DTNA: variants seen among roughly 807,000 people sequenced by gnomAD.
DTNA encodes the protein dystrophin-related protein 3.
A neutral mutation model predicts 100.7 loss-of-function variants in DTNA; 43 were observed. The ratio of observed to expected loss-of-function variants is 0.43; its 90% CI spans 0.33 to 0.55. The LOEUF is 0.55. Among genes scored for constraint, DTNA ranks in the 20% least tolerant of loss-of-function variants. The pLI is 0.04. For synonymous variants in DTNA, 349 were observed against 347.9 expected (o/e 1.00, Z -0.04); for missense variants, 798 against 953.9 (o/e 0.84, Z 2.15).
At chr18:34,819,023 C>T (rs1029997606) in intron 8 of DTNA, among the ~76,000 whole-genome samples, 12 of 152,126 alleles carry the variant, frequency 7.9e-5, no homozygotes, top group Non-Finnish European at 1.8e-4. Flanking sequence ...TGTTTATCTT[C>T]GTTAAACTCA....
At chr18:34,825,168 C>T in intron 9 of DTNA, 5 of 1,499,644 alleles carry the variant, frequency 3.3e-6, no homozygotes, top group Non-Finnish European at 3.7e-6. Context: ...CAGGTGGTGA[C>T]ATTTTGGTAT....
intron 1 of DTNA, among the ~76,000 whole-genome samples, chr18:34,545,604 CTT>C (rs1032223614): frequency 7.9e-5 from 12 of 152,020 alleles, no homozygotes; most frequent in African/African-American, 2.7e-4. Flanking sequence ...AGTAGTGTAT[CTT>C]TATTTCAACC....
intron 1 of DTNA, among the ~76,000 whole-genome samples, chr18:34,597,975 C>A (rs531600269): frequency 6.6e-6 from 1 of 152,076 alleles, no homozygotes; most frequent in African/African-American, 2.4e-5. Context: ...CACACAGGAA[C>A]CACTCAAAAA....
intron 1 of DTNA, among the ~76,000 whole-genome samples, chr18:34,699,676 G>A (rs897898453): frequency 2.6e-5 from 4 of 152,166 alleles, no homozygotes; most frequent in African/African-American, 9.7e-5. Context: ...CCTTCCCTGA[G>A]ACTTTGGTGG....
chr18:34,854,640 C>T (rs1281198802), intron 15 of DTNA, among the ~76,000 whole-genome samples: 1 of 152,198 alleles, frequency 6.6e-6, no homozygotes, highest in African/African-American at 2.4e-5. Flanking sequence ...TCCGTTCATT[C>T]GGACTTTCTA....
intron 1 of DTNA, among the ~76,000 whole-genome samples, chr18:34,577,056 G>A (rs181816463): frequency 3.3e-5 from 5 of 152,210 alleles, no homozygotes; most frequent in Non-Finnish European, 5.9e-5. Flanking sequence ...TAAGAGTGTT[G>A]AAATAAAGGG....
intron 1 of DTNA, among the ~76,000 whole-genome samples, chr18:34,539,356 C>T (rs1223312243): frequency 2.0e-5 from 3 of 151,868 alleles, no homozygotes; most frequent in Admixed American, 2.0e-4. Context: ...ATTGTAGATT[C>T]TAGTTTCTTA....
chr18:34,832,375 A>T (rs2096033837), intron 11 of DTNA, among the ~76,000 whole-genome samples: 2 of 152,130 alleles, frequency 1.3e-5, no homozygotes, highest in Non-Finnish European at 2.9e-5. Flanking sequence ...CTGGAATTAC[A>T]CCAGTCTACA....
chr18:34,568,830 G>T (rs2047318069), intron 1 of DTNA, among the ~76,000 whole-genome samples: 1 of 152,036 alleles, frequency 6.6e-6, no homozygotes, highest in African/African-American at 2.4e-5. Context: ...CACTATGTTG[G>T]CCAGGCTGGT....
At chr18:34,659,623 GACAC>G (rs1265884441) in intron 1 of DTNA, among the ~76,000 whole-genome samples, 2 of 140,856 alleles carry the variant, frequency 1.4e-5, no homozygotes, top group South Asian at 2.2e-4. Context: ...CATACACACA[GACAC>G]ACACAGACAC....
chr18:34,706,847 AT>A (rs2082181261), upstream of DTNA, among the ~76,000 whole-genome samples: 1 of 152,216 alleles, frequency 6.6e-6, no homozygotes, highest in Non-Finnish European at 1.5e-5. Context: ...AATCCGATTA[AT>A]ATTTTTTAGG....
At chr18:34,724,153 G>T (rs532327358) in intron 1 of DTNA, among the ~76,000 whole-genome samples, 199 of 152,250 alleles carry the variant, frequency 1.3e-3, no homozygotes, top group African/African-American at 4.6e-3. Flanking sequence ...AAGCAATTTG[G>T]CATATCAGTA....
intron 1 of DTNA, among the ~76,000 whole-genome samples, chr18:34,550,813 G>A (rs2730104): frequency 0.13 from 19,523 of 152,028 alleles, 1,548 homozygotes; most frequent in African/African-American, 0.23. Flanking sequence ...AATCAAAAAT[G>A]TCTTTAAAAG....
At chr18:34,878,947 A>G (rs17558072) in intron 19 of DTNA, among the ~76,000 whole-genome samples, 3,315 of 152,312 alleles carry the variant, frequency 0.022, 44 homozygotes, top group Non-Finnish European at 0.031. Context: ...CTCAATTGAA[A>G]ATTGTTGCTG....
intron 1 of DTNA, among the ~76,000 whole-genome samples, chr18:34,555,731 G>T (rs1601807874): frequency 6.6e-6 from 1 of 152,124 alleles, no homozygotes; most frequent in Non-Finnish European, 1.5e-5. Context: ...TTGCACTGTG[G>T]TCTGAGAGAT....
At chr18:34,578,319 ATTGT>A (rs891017527) in intron 1 of DTNA, among the ~76,000 whole-genome samples, 46 of 151,050 alleles carry the variant, frequency 3.0e-4, no homozygotes, top group African/African-American at 1.1e-3. Context: ...TTTTGATGAG[ATTGT>A]TTGTTTTTTT....
intron 4 of DTNA, among the ~76,000 whole-genome samples, chr18:34,795,534 C>T (rs1327221782): frequency 6.6e-6 from 1 of 152,152 alleles, no homozygotes; most frequent in South Asian, 2.1e-4. Flanking sequence ...ACATGACAGG[C>T]AGCAGAGGCA....
intron 1 of DTNA, among the ~76,000 whole-genome samples, chr18:34,666,584 G>A (rs993171542): frequency 6.6e-6 from 1 of 152,090 alleles, no homozygotes; most frequent in African/African-American, 2.4e-5. Flanking sequence ...AATTCATCTT[G>A]AATTAATTTT....
At chr18:34,563,733 C>G (rs1037424720) in intron 1 of DTNA, among the ~76,000 whole-genome samples, 1 of 152,172 alleles carries the variant, frequency 6.6e-6, no homozygotes, top group Admixed American at 6.5e-5. Context: ...AGTGATATTA[C>G]TCTCCACTGA....
Sources: gnomAD v4.1 joint callset for allele counts (sites outside exome capture counted in the v4.1 genomes callset) on GRCh38, gnomAD v4.1.1 for gene constraint, MANE v1.5 for transcripts, NCBI Gene and HGNC (gene_info 2026-07-23, HGNC 2026-07-21) for gene names.